SUN2: variants seen among roughly 807,000 people sequenced by gnomAD.
SUN2 encodes the protein Sad1 and UNC84 domain containing 2.
Under a neutral mutation model 100.0 loss-of-function variants are expected in SUN2, and 60 were observed. That is an observed-to-expected ratio of 0.60 (90% CI 0.49 to 0.74). The LOEUF (loss-of-function observed/expected upper bound fraction) is 0.74. SUN2 is among the 30% of genes least tolerant of loss of function. SUN2 has a pLI of 0.00. For missense variants in SUN2, 834 were observed against 954.6 expected (o/e 0.87, Z 1.66); for synonymous variants, 367 against 403.3 (o/e 0.91, Z 1.08).
At position 38,749,960 on chromosome 22, in the gene SUN2, T is replaced by G. The variant is rs1267637122; in HGVS notation, c.521-101A>C. Reference sequence around the variant, plus strand: ...TCCCTGCCCCTACCCCACCCCCACCTGCCAGTATGCCTCTGTCCTGCCCTA... The same window carrying G: ...TCCCTGCCCCTACCCCACCCCCACCGGCCAGTATGCCTCTGTCCTGCCCTA... On this transcript the variant is annotated intron_variant, in intron 5 of 17. Transcript: ENST00000689035. 20 of 576,930 alleles carry G rather than the reference T, an allele frequency of 3.5e-5. No individual in the cohort carries two copies. In the Admixed American group the frequency reaches 3.9e-4, roughly 11 times the overall value. The allele number at this position is 576,930 out of a possible 1,614,324, so 35.7% of individuals were successfully genotyped here.
chr22:38,736,315 C>T lies in SUN2; in HGVS notation c.2106G>A (p.Glu702=). The T allele has an allele frequency of 6.2e-7, 1 of 1,614,018 alleles. No homozygotes were observed. Among genetic ancestry groups the T allele is most frequent in the Middle Eastern group, 1.7e-4 (1 of 6,058 alleles). The change falls in exon 18 of 18, where the codon GAG becomes GAA. Residue 702 remains glutamate (E), a synonymous_variant. Coordinates refer to ENST00000689035, the MANE Select transcript of SUN2 (RefSeq NM_015374.3). The stretch of plus-strand genomic sequence containing the variant: ...CTCTGAAGCGGTAGATGCAGGTGTA[C>T]TCGGGGTGGCCCCAGTTAGTCAGGA... ...LRILTNWGHP[E]YTCIYRFRVH... is the part of the protein sequence containing the mutation.
In SUN2 at chr22:38,740,407, T is replaced by G. The variant is rs1423190877; in HGVS notation, c.1216A>C (p.Ser406Arg). The G allele has an allele frequency of 6.4e-7, 1 of 1,557,040 alleles. No homozygotes were observed. Among genetic ancestry groups the G allele is most frequent in the Admixed American group, 1.9e-5 (1 of 52,422 alleles). ...QSMTQESFQE[S>R]SVKELRRLED... ...AGCCGCCTCAGCTCCTTCACAGAGC[T>G]CTCCTGGAAGGACTCCTGGGTCATG... Residue 406 changes from serine (S) to arginine (R), a missense_variant, in exon 12 of 18, where the codon AGC (serine) becomes CGC (arginine). Around this residue, in one of 3 missense-constraint regions of SUN2, gnomAD observed 559 missense variants for 597.7 expected, o/e 0.94. Transcript: ENST00000689035. This position sits in a 1 kb window ranked among gnomAD's most constrained non-coding sequence, Gnocchi z 4.8.
Position 38,738,836 on chromosome 22 carries a change from C to G in SUN2, c.1779+37G>C. The stretch of plus-strand genomic sequence containing the variant: ...CCAGATGGGACCAGCCCTCAGTGTG[C>G]TCAGAGCCCCCGCTGCTGTGCTTGC... On this transcript the variant is annotated intron_variant, in intron 15 of 17. Coordinates refer to ENST00000689035, the MANE Select transcript of SUN2 (RefSeq NM_015374.3). This position sits in a 1 kb window ranked among gnomAD's most constrained non-coding sequence, Gnocchi z 6.6. 1.3e-6 allele frequency: 2 copies of G among 1,595,494 alleles called. No homozygotes were observed. The highest frequency in any genetic ancestry group is 4.5e-5 in the East Asian group (2 of 44,604).
intron 1 of SUN2, among the ~76,000 whole-genome samples, chr22:38,753,270 C>T (rs1024331602): frequency 1.5e-5 from 2 of 131,994 alleles, no homozygotes; most frequent in Non-Finnish European, 3.0e-5. Context: ...GGCTGAAGTG[C>T]AGTGGTGCAA....
chr22:38,750,112 T>TC (rs1295387077), intron 5 of SUN2, 113 bp downstream of exon 5: 2 of 1,469,900 alleles, frequency 1.4e-6, no homozygotes, highest in Non-Finnish European at 1.8e-6. Flanking sequence ...GAATGACCTT[T>TC]CCCCAATGGT....
At position 38,755,018 on chromosome 22, in the gene SUN2, C is replaced by G; in HGVS notation, c.-38+745G>C. ...CATAATAGACACCACCCCCGCCCCA[C>G]CTCCTCCCTAACAATCAGTTAGGAA... On this transcript the variant is annotated intron_variant, in intron 1 of 17. Transcript: ENST00000689035. The surrounding 1 kb of genome is among the most constrained non-coding windows in gnomAD (Gnocchi z 5.7). 1.6e-6 allele frequency: 2 copies of G among 1,239,630 alleles called. No individual in the cohort carries two copies. The highest frequency in any genetic ancestry group is 2.1e-6 in the Non-Finnish European group (2 of 949,414). 76.8% of individuals were successfully genotyped at this position (1,239,630 alleles called of 1,614,324 possible). A position where few individuals can be genotyped will look rare whatever the true frequency, so the allele number is the denominator to read the frequency against.
chr22:38,754,524 A>C, intron 1 of SUN2: 1 of 910,524 alleles, frequency 1.1e-6, no homozygotes, highest in Non-Finnish European at 1.5e-6. Flanking sequence ...CTGGTGTTGG[A>C]AAAGGGACCG....
chr22:38,753,520 G>A (rs1024362788), intron 1 of SUN2, among the ~76,000 whole-genome samples: 1 of 152,058 alleles, frequency 6.6e-6, no homozygotes, highest in Non-Finnish European at 1.5e-5. Flanking sequence ...TCAGCCAAAA[G>A]GATTTTTCTT....
chr22:38,740,851 G>T lies in SUN2; in HGVS notation c.1190+156C>A. 1.3e-6 allele frequency: 1 copy of T among 789,616 alleles called. No individual in the cohort carries two copies. The highest frequency in any genetic ancestry group is 2.1e-6 in the Non-Finnish European group (1 of 484,906). 48.9% of individuals were successfully genotyped at this position (789,616 alleles called of 1,614,324 possible). A position where few individuals can be genotyped will look rare whatever the true frequency, so the allele number is the denominator to read the frequency against. On this transcript the variant is annotated intron_variant, in intron 11 of 17. Coordinates refer to ENST00000689035, the MANE Select transcript of SUN2 (RefSeq NM_015374.3). This position sits in a 1 kb window ranked among gnomAD's most constrained non-coding sequence, Gnocchi z 4.8. ...ATGGCACCTCAAAGACAGGCCCTGG[G>T]CAGGGGTCCTGAGCTGGGTTTCAAC...
At chr22:38,748,151 G>C (rs1453593260) in intron 7 of SUN2, among the ~76,000 whole-genome samples, 1 of 151,502 alleles carries the variant, frequency 6.6e-6, no homozygotes, top group Admixed American at 6.6e-5. Context: ...CCCATCTCTA[G>C]TAAAAATACA....
intron 1 of SUN2, chr22:38,754,806 A>C (rs2092973111): frequency 7.8e-7 from 1 of 1,285,780 alleles, no homozygotes; most frequent in South Asian, 1.2e-5. Context: ...GGGAGTGCTG[A>C]AAACTGTCAG....
At chr22:38,742,701 C>CTCG (rs904098989) in intron 8 of SUN2, 146 bp from the exon 9 acceptor site, 47 of 1,106,124 alleles carry the variant, frequency 4.2e-5, no homozygotes, top group Non-Finnish European at 5.5e-5. Context: ...CCGGCTGGAG[C>CTCG]TCGTGGGCAG....
At chr22:38,751,436 A>G (rs1230797646) in intron 2 of SUN2, 63 bp from the exon 3 acceptor site, 5 of 1,588,066 alleles carry the variant, frequency 3.1e-6, no homozygotes, top group African/African-American at 2.7e-5. Context: ...AGGAGCATGA[A>G]GGAAAGCCAC....
At chr22:38,744,155 G>A (rs1221878847) in intron 8 of SUN2, among the ~76,000 whole-genome samples, 6 of 151,250 alleles carry the variant, frequency 4.0e-5, no homozygotes, top group Non-Finnish European at 8.8e-5. Flanking sequence ...CGGGAGAATC[G>A]CTTGAACCCG....
rs760297349 is a variant in SUN2 at position 38,751,265 on chromosome 22, C to G, written c.231G>C (p.Glu77Asp). 1.2e-5 allele frequency: 20 copies of G among 1,614,002 alleles called. No individual in the cohort carries two copies. The highest frequency in any genetic ancestry group is 1.6e-5 in the Non-Finnish European group (19 of 1,179,984). Residue 77 changes from glutamate (E) to aspartate (D), a missense_variant, in exon 3 of 18, where the codon GAG (glutamate) becomes GAC (aspartate). Around this residue, in one of 3 missense-constraint regions of SUN2, gnomAD observed 559 missense variants for 597.7 expected, o/e 0.94. Coordinates refer to ENST00000689035, the MANE Select transcript of SUN2 (RefSeq NM_015374.3). The part of the protein sequence containing the change: ...TSYYSESLVH[E>D]SWFPPRSSLE... ...GGGAGCTCCTGGGTGGGAACCAGGA[C>G]TCGTGGACCAGCGACTCACTGTAGT...
chr22:38,745,072 G>A lies in SUN2; in HGVS notation c.813+612C>T, dbSNP rs915225671. The A allele has an allele frequency of 3.8e-5, 18 of 471,130 alleles. No individual in the cohort carries two copies. In the East Asian group the frequency reaches 4.9e-4, roughly 13 times the overall value. 29.2% of individuals were successfully genotyped at this position (471,130 alleles called of 1,614,324 possible). ...TTTGCGGTAGCCAACAGAATGTGGCGGGAGTGACGGTGTGCTGGTTCTGGA... is the reference window on the plus strand; with the variant it reads ...TTTGCGGTAGCCAACAGAATGTGGCAGGAGTGACGGTGTGCTGGTTCTGGA... On this transcript the variant is annotated intron_variant, in intron 8 of 17. Transcript: ENST00000689035.
chr22:38,747,342 A>AC (rs1015582486), intron 7 of SUN2, among the ~76,000 whole-genome samples: 10 of 152,130 alleles, frequency 6.6e-5, no homozygotes, highest in African/African-American at 2.4e-4. Flanking sequence ...AAAAAAAAAA[A>AC]AAAAAAGAAG....
At chr22:38,750,484 T>C (rs2092936788) in intron 4 of SUN2, 164 bp from the exon 5 acceptor site, 41 of 1,399,400 alleles carry the variant, frequency 2.9e-5, no homozygotes, top group Non-Finnish European at 3.8e-5. Context: ...TCTTTGACAT[T>C]CTGTTTCTTC....
In SUN2 at chr22:38,738,325, C is replaced by T. The variant is rs1187858270; in HGVS notation, c.1948-60G>A. 1 of 1,430,494 alleles carries T rather than the reference C, an allele frequency of 7.0e-7. No homozygotes were observed. The highest frequency in any genetic ancestry group is 9.7e-7 in the Non-Finnish European group (1 of 1,025,708). The allele number at this position is 1,430,494 out of a possible 1,614,324, so 88.6% of individuals were successfully genotyped here. A position where few individuals can be genotyped will look rare whatever the true frequency, so the allele number is the denominator to read the frequency against. Reference sequence around the variant, plus strand: ...GGAGCAGGGAGAACACCCCTCCCCACTCCAATCCCTGCTCCTCCCACCCAG... The same window carrying T: ...GGAGCAGGGAGAACACCCCTCCCCATTCCAATCCCTGCTCCTCCCACCCAG... On this transcript the variant is annotated intron_variant, in intron 16 of 17. Coordinates refer to ENST00000689035, the MANE Select transcript of SUN2 (RefSeq NM_015374.3). This position sits in a 1 kb window ranked among gnomAD's most constrained non-coding sequence, Gnocchi z 6.6.
Sources: allele counts gnomAD v4.1 joint callset (sites outside exome capture counted in the v4.1 genomes callset), GRCh38; gene constraint gnomAD v4.1.1; regional missense constraint gnomAD v4.1.1; non-coding constraint Gnocchi (gnomAD v3.1); transcripts MANE v1.5; gene names NCBI Gene and HGNC (gene_info 2026-07-23, HGNC 2026-07-21).